The following DENND2B variants were observed in gnomAD, a reference collection of about 807,000 sequenced individuals.
The protein encoded by DENND2B is DENN domain-containing protein 2B.
A neutral mutation model predicts 116.0 loss-of-function variants in DENND2B; 32 were observed. That is an observed-to-expected ratio of 0.28 (90% CI 0.21 to 0.37). The LOEUF is 0.37. Ranked by LOEUF, DENND2B falls within the 10% of genes least tolerant of loss-of-function variation. The pLI is 1.00. For synonymous variants in DENND2B, 588 were observed against 583.9 expected, an observed-to-expected ratio of 1.01 and a Z score of -0.10; for missense variants, 1,276 against 1,477.7, an observed-to-expected ratio of 0.86 and a Z score of 2.24.
chr11:8,765,265 C>T (rs968444565), intron 1 of DENND2B, among the ~76,000 whole-genome samples: 2 of 152,216 alleles, frequency 1.3e-5, no homozygotes, highest in African/African-American at 4.8e-5. Context: ...CCGAACTTGC[C>T]TCTTCTTCCT....
exon 1 of DENND2B, chr11:8,910,940 C>CCCCCGAA (rs2064317619): frequency 8.7e-5 from 2 of 22,906 alleles, no homozygotes; most frequent in Non-Finnish European, 2.7e-4. Context: ...CAGCCCCCGA[C>CCCCCGAA]CCCCGACCCC....
intron 11 of DENND2B, among the ~76,000 whole-genome samples, chr11:8,709,411 G>A (rs958368647): frequency 2.0e-5 from 3 of 152,298 alleles, no homozygotes; most frequent in South Asian, 2.1e-4. Context: ...GGACAAACAC[G>A]CTCTTCCCTG....
At chr11:8,718,885 C>G in intron 4 of DENND2B, 2 of 994,386 alleles carry the variant, frequency 2.0e-6, no homozygotes, top group Non-Finnish European at 2.4e-6. Context: ...TAGAGTAACA[C>G]CATGGGCCGG....
intron 1 of DENND2B, among the ~76,000 whole-genome samples, chr11:8,798,651 A>T (rs2060037929): frequency 6.6e-6 from 1 of 152,132 alleles, no homozygotes; most frequent in Admixed American, 6.5e-5. Flanking sequence ...ACTGCTTTGA[A>T]AACCCATCTG....
chr11:8,749,901 G>A (rs552341035), intron 2 of DENND2B, among the ~76,000 whole-genome samples: 1 of 152,214 alleles, frequency 6.6e-6, no homozygotes, highest in Non-Finnish European at 1.5e-5. Context: ...AAGCCCTGGT[G>A]AGAGTACTGT....
chr11:8,731,184 C>A lies in DENND2B; in HGVS notation c.106G>T (p.Val36Phe). 1 of 1,522,392 alleles carries A rather than the reference C, an allele frequency of 6.6e-7. No homozygotes were observed. Among genetic ancestry groups the A allele is most frequent in the Non-Finnish European group, 8.8e-7 (1 of 1,135,820 alleles). 94.3% of individuals were successfully genotyped at this position (1,522,392 alleles called of 1,614,324 possible). ...ATGGGACTCCTTGGTGGGGAGAGAA[C>A]TGGAGGTGGAGAGACTGACTGAGAC... is the stretch of plus-strand genomic sequence containing the variant. ...SRSQSVSPPPVLSPPRSPIYP... is the reference protein window; with the variant it reads ...SRSQSVSPPPFLSPPRSPIYP... The change falls in exon 3 of 20, where the codon GTT becomes TTT. Residue 36 changes from valine to phenylalanine, a missense_variant. Coordinates refer to ENST00000313726, the MANE Select transcript of DENND2B (RefSeq NM_213618.2).
chr11:8,745,889 C>A (rs528360972), intron 2 of DENND2B, among the ~76,000 whole-genome samples: 1 of 152,318 alleles, frequency 6.6e-6, no homozygotes, highest in African/African-American at 2.4e-5. Flanking sequence ...CATTGAGTCA[C>A]CCATAACTTT....
intron 3 of DENND2B, among the ~76,000 whole-genome samples, chr11:8,841,293 A>T (rs117822451): frequency 0.021 from 3,156 of 152,280 alleles, 41 homozygotes; most frequent in Middle Eastern, 0.034. Flanking sequence ...AAAAAAATTT[A>T]AAATTTTTCC....
intron 1 of DENND2B, among the ~76,000 whole-genome samples, chr11:8,788,590 T>TCA (rs1417948190): frequency 6.6e-6 from 1 of 152,240 alleles, no homozygotes; most frequent in East Asian, 1.9e-4. Flanking sequence ...TCTCCTGCCC[T>TCA]CACACACACC....
At chr11:8,863,394 G>C (rs1164676585) in intron 2 of DENND2B, among the ~76,000 whole-genome samples, 1 of 142,256 alleles carries the variant, frequency 7.0e-6, no homozygotes, top group Admixed American at 7.2e-5. Flanking sequence ...TGCCACGCCT[G>C]GCTAATTTTT....
At chr11:8,804,708 C>T (rs1425571258) in intron 1 of DENND2B, among the ~76,000 whole-genome samples, 1 of 151,934 alleles carries the variant, frequency 6.6e-6, no homozygotes, top group Non-Finnish European at 1.5e-5. Flanking sequence ...CTATGCCCGG[C>T]CAGTTTTTGT....
chr11:8,714,083 C>CA lies in DENND2B; in HGVS notation c.1943-42dup, dbSNP rs778937694. The CA allele has an allele frequency of 1.0e-4, 168 of 1,609,928 alleles. 1 individual carries two copies. In the Middle Eastern group the frequency reaches 4.0e-3, roughly 38 times the overall value. On this transcript the variant is annotated intron_variant, in intron 7 of 19. Transcript: ENST00000313726. ...CAGAGTACATACTTGCTGGACCTCA[C>CA]AGCCAATGTTTTTTGCTCCCCCACC...
intron 3 of DENND2B, among the ~76,000 whole-genome samples, chr11:8,855,586 T>C (rs2063167071): frequency 6.6e-6 from 1 of 151,850 alleles, no homozygotes; most frequent in African/African-American, 2.4e-5. Flanking sequence ...CTGTGCACCC[T>C]GTATCCACAC....
At chr11:8,758,396 C>G (rs1418381943) in intron 1 of DENND2B, among the ~76,000 whole-genome samples, 1 of 152,144 alleles carries the variant, frequency 6.6e-6, no homozygotes, top group East Asian at 1.9e-4. Context: ...TAAGCCATTT[C>G]GTCAGTCTCC....
intron 1 of DENND2B, among the ~76,000 whole-genome samples, chr11:8,772,623 G>A (rs886522093): frequency 3.3e-5 from 5 of 152,242 alleles, no homozygotes; most frequent in African/African-American, 1.2e-4. Context: ...GTGTGTGAGA[G>A]AGAAGGAAAC....
At chr11:8,759,249 T>G (rs2054147292) in intron 1 of DENND2B, among the ~76,000 whole-genome samples, 1 of 152,222 alleles carries the variant, frequency 6.6e-6, no homozygotes, top group Non-Finnish European at 1.5e-5. Context: ...GTGACATTTC[T>G]AAATGTCTGT....
rs891673695 is a variant in DENND2B at position 8,794,195 on chromosome 11, A to G, written c.-26+16322T>C. On this transcript the variant is annotated intron_variant, in intron 1 of 19. Coordinates refer to ENST00000313726, the MANE Select transcript of DENND2B (RefSeq NM_213618.2). ...TAGACGGTTTGATGCCTGCCTGCTA[A>G]TGTGAAACACAGTTTCAGTGTTACA... Among the ~76,000 whole-genome samples the G allele has an allele frequency of 6.6e-5, 10 of 152,332 alleles. No individual in the cohort carries two copies. In the South Asian group the frequency reaches 1.7e-3, roughly 25 times the overall value.
intron 16 of DENND2B, among the ~76,000 whole-genome samples, chr11:8,698,137 CAAAA>C (rs33975736): frequency 4.6e-3 from 185 of 39,798 alleles, no homozygotes; most frequent in East Asian, 0.015. Flanking sequence ...ACCCTGTCTC[CAAAA>C]AAAAAAAAAA....
intron 1 of DENND2B, among the ~76,000 whole-genome samples, chr11:8,889,129 A>G (rs1416139320): frequency 6.6e-6 from 1 of 152,272 alleles, no homozygotes; most frequent in Non-Finnish European, 1.5e-5. Context: ...TTATAAACCC[A>G]TGTTCATAGC....
Sources: allele counts gnomAD v4.1 joint callset (sites outside exome capture counted in the v4.1 genomes callset), GRCh38; gene constraint gnomAD v4.1.1; transcripts MANE v1.5; gene names NCBI Gene and HGNC (gene_info 2026-07-23, HGNC 2026-07-21).